RALGAPB: variants seen among roughly 807,000 people sequenced by gnomAD.
RALGAPB encodes the protein ral GTPase-activating protein subunit beta.
RALGAPB carries 25 observed loss-of-function variants against 161.1 expected under a neutral mutation model. The ratio of observed to expected loss-of-function variants is 0.16; its 90% CI spans 0.11 to 0.22. The LOEUF (loss-of-function observed/expected upper bound fraction) is 0.22, where lower values mean the gene tolerates loss of function less well. RALGAPB is among the 10% of genes least tolerant of loss of function. RALGAPB has a pLI of 1.00. For missense variants in RALGAPB, 1,391 were observed against 1,815.2 expected, an observed-to-expected ratio of 0.77 and a Z score of 4.25; for synonymous variants, 629 against 626.1, an observed-to-expected ratio of 1.00 and a Z score of -0.07.
chr20:38,497,420 C>T lies in RALGAPB; in HGVS notation c.457C>T (p.Arg153Cys), dbSNP rs756555782. The change falls in exon 4 of 30, where the codon CGT becomes TGT. Residue 153 changes from arginine to cysteine, a missense_variant. Arg to Cys is a radical substitution (Grantham distance 180). Coordinates refer to ENST00000262879, the MANE Select transcript of RALGAPB (RefSeq NM_020336.4). The part of the protein sequence containing the change: ...QVLRAIQKLA[R>C]ESSLMARETW... The stretch of plus-strand genomic sequence containing the variant: ...CCTGAGAGCCATTCAGAAACTGGCC[C>T]GTGAGTCATCTCTCATGGCCCGAGA... 40 of 1,613,796 alleles carry T rather than the reference C, an allele frequency of 2.5e-5. No individual in the cohort carries two copies. Among genetic ancestry groups the T allele is most frequent in the Non-Finnish European group, 3.1e-5 (37 of 1,179,860 alleles).
At chr20:38,548,051 A>G (rs2087232934) in intron 19 of RALGAPB, 1 of 152,240 alleles carries the variant, frequency 6.6e-6, no homozygotes, top group Admixed American at 6.5e-5. Context: ...TTGTAATAAT[A>G]AGAAATTATA....
intron 21 of RALGAPB, among the ~76,000 whole-genome samples, chr20:38,553,250 G>A (rs780928000): frequency 2.0e-5 from 3 of 152,132 alleles, no homozygotes; most frequent in Non-Finnish European, 4.4e-5. Context: ...TAGAAGGATC[G>A]TTACTCACCC....
At chr20:38,549,551 T>A (rs770212824) in intron 20 of RALGAPB, among the ~76,000 whole-genome samples, 3,206 of 128,210 alleles carry the variant, frequency 0.025, 51 homozygotes, top group Non-Finnish European at 0.035. Flanking sequence ...AAAAAAAAAA[T>A]ATATATATAT....
chr20:38,534,360 G>A (rs1198178796), intron 15 of RALGAPB: 1 of 152,388 alleles, frequency 6.6e-6, no homozygotes, highest in East Asian at 1.9e-4. Context: ...TCCTTTTTCT[G>A]TTGTCACTGC....
In RALGAPB at chr20:38,574,846, C is replaced by G. The variant is rs557814523; in HGVS notation, c.4364C>G (p.Pro1455Arg). The part of the protein sequence containing the change: ...KRLESDSYSP[P>R]HVRRKQKITD... The stretch of plus-strand genomic sequence containing the variant: ...CTGGAAAGTGACTCCTACAGTCCCC[C>G]CCATGTCCGCCGGAAACAGAAAATC... The change falls in exon 30 of 30, where the codon CCC becomes CGC. Residue 1455 changes from proline (P) to arginine (R), a missense_variant. This residue lies in a region of RALGAPB where 436 missense variants were observed against 527.0 expected (regional missense o/e 0.83). Coordinates refer to ENST00000262879, the MANE Select transcript of RALGAPB (RefSeq NM_020336.4). 30 of 1,613,726 alleles carry G rather than the reference C, an allele frequency of 1.9e-5. No homozygotes were observed. Among genetic ancestry groups the G allele is most frequent in the Non-Finnish European group, 2.4e-5 (28 of 1,179,638 alleles).
chr20:38,475,108 G>A (rs6070315), intron 1 of RALGAPB, among the ~76,000 whole-genome samples: 19,416 of 152,072 alleles, frequency 0.13, 3,452 homozygotes, highest in African/African-American at 0.4. Context: ...TATCACAATC[G>A]GACGCAATCA....
intron 1 of RALGAPB, among the ~76,000 whole-genome samples, chr20:38,482,787 T>G (rs2085008294): frequency 6.6e-6 from 1 of 152,208 alleles, no homozygotes; most frequent in Non-Finnish European, 1.5e-5. Flanking sequence ...AATAGTTATT[T>G]ATTGATTGCT....
At chr20:38,476,478 C>T (rs1394357650) in intron 1 of RALGAPB, among the ~76,000 whole-genome samples, 1 of 152,178 alleles carries the variant, frequency 6.6e-6, no homozygotes, top group Admixed American at 6.5e-5. Context: ...TGGACGGTGT[C>T]CCCTTTCGCC....
At chr20:38,534,825 A>C (rs1018619025) in intron 15 of RALGAPB, among the ~76,000 whole-genome samples, 2 of 152,254 alleles carry the variant, frequency 1.3e-5, no homozygotes, top group South Asian at 2.1e-4. Context: ...GAAACTGCCA[A>C]ATCCCACGGT....
At chr20:38,527,958 C>A (rs993496053) in intron 13 of RALGAPB, among the ~76,000 whole-genome samples, 6 of 152,216 alleles carry the variant, frequency 3.9e-5, no homozygotes, top group African/African-American at 1.4e-4. Context: ...CATCTCATTT[C>A]TGTCCTAGCC....
In RALGAPB at chr20:38,520,595, A is replaced by C. The variant is rs1460673382; in HGVS notation, c.1418-902A>C. Among the ~76,000 whole-genome samples, 3 of 126,772 alleles carry C rather than the reference A, an allele frequency of 2.4e-5. No homozygotes were observed. In the East Asian group the frequency reaches 6.6e-4, roughly 28 times the overall value. The allele number at this position is 126,772 out of a possible 152,430, so 83.2% of individuals were successfully genotyped here. On this transcript the variant is annotated intron_variant, in intron 9 of 29. Coordinates refer to ENST00000262879, the MANE Select transcript of RALGAPB (RefSeq NM_020336.4). Reference sequence around the variant, plus strand: ...CAGATTTAGTGTTTGATTTGTATGCATTCTGCATGTAGTGTTTTTCAAATG... The same window carrying C: ...CAGATTTAGTGTTTGATTTGTATGCCTTCTGCATGTAGTGTTTTTCAAATG...
rs370459159 is a variant in RALGAPB, at chr20:38,535,124, G to A, written c.2296G>A (p.Val766Ile). ...GCTCCTGATTCGCAGCATTCATCTCGTCACCCAAAGACTCAACTCCCAGTG... is the reference window on the plus strand; with the variant it reads ...GCTCCTGATTCGCAGCATTCATCTCATCACCCAAAGACTCAACTCCCAGTG... ...AGLLIRSIHL[V>I]TQRLNSQWRQ... Residue 766 changes from valine (V) to isoleucine (I), a missense_variant, in exon 16 of 30, where the codon GTC becomes ATC. Val to Ile is a conservative substitution (Grantham distance 29). Around this residue, in one of 3 missense-constraint regions of RALGAPB, gnomAD observed 946 missense variants for 1,257.2 expected, o/e 0.75. Transcript: ENST00000262879. 15 of 1,613,810 alleles carry A rather than the reference G, an allele frequency of 9.3e-6. No individual in the cohort carries two copies. Among genetic ancestry groups the A allele is most frequent in the Admixed American group, 3.3e-5 (2 of 59,998 alleles).
chr20:38,529,408 C>T (rs2086578067), intron 13 of RALGAPB, among the ~76,000 whole-genome samples: 2 of 151,582 alleles, frequency 1.3e-5, no homozygotes, highest in South Asian at 2.1e-4. Context: ...GTCTCAGCTA[C>T]TTGGGAGGCT....
At chr20:38,498,609 A>G (rs573453142) in intron 4 of RALGAPB, among the ~76,000 whole-genome samples, 56 of 152,326 alleles carry the variant, frequency 3.7e-4, no homozygotes, top group African/African-American at 1.3e-3. Flanking sequence ...GAGGCAGACA[A>G]TTCATCCCCC....
intron 5 of RALGAPB, among the ~76,000 whole-genome samples, chr20:38,506,485 G>A (rs1471212845): frequency 6.6e-6 from 1 of 152,072 alleles, no homozygotes; most frequent in Non-Finnish European, 1.5e-5. Context: ...GTCAAGATGG[G>A]GTTCCTCCAT....
Position 38,553,880 on chromosome 20 carries a change from A to G in RALGAPB, c.3176A>G (p.His1059Arg), listed in dbSNP as rs2087480572. The G allele has an allele frequency of 6.2e-7, 1 of 1,611,058 alleles. No individual in the cohort carries two copies. The highest frequency in any genetic ancestry group is 1.3e-5 in the African/African-American group (1 of 74,760). ...GGTTTATTACAGTTAGAAGAGAGACACGAAAAATTAAGGAGTGGCATGGCC... is the reference window on the plus strand; with the variant it reads ...GGTTTATTACAGTTAGAAGAGAGACGCGAAAAATTAAGGAGTGGCATGGCC... Reference protein sequence around the residue: ...EIVTEELEERHEKLRSGMAQQ... With the variant: ...EIVTEELEERREKLRSGMAQQ... Residue 1059 changes from histidine to arginine, a missense_variant, in exon 22 of 30, where the codon CAC (histidine) becomes CGC (arginine). Around this residue, in one of 3 missense-constraint regions of RALGAPB, gnomAD observed 436 missense variants for 527.0 expected, o/e 0.83. Coordinates refer to ENST00000262879, the MANE Select transcript of RALGAPB (RefSeq NM_020336.4).
At position 38,576,943 on chromosome 20, in the gene RALGAPB, G is replaced by A. The variant is rs554056945; in HGVS notation, c.*1976G>A. ...TTAATTTCAGAAAAATGTGCTGTATGTGTGTGTGTATGAGGGTTGGTCTTG... is the reference window on the plus strand; with the variant it reads ...TTAATTTCAGAAAAATGTGCTGTATATGTGTGTGTATGAGGGTTGGTCTTG... On this transcript the variant is annotated 3_prime_UTR_variant, in exon 30 of 30. Coordinates refer to ENST00000262879, the MANE Select transcript of RALGAPB (RefSeq NM_020336.4). 9.2e-5 allele frequency: 14 copies of A among 152,768 alleles called. No individual in the cohort carries two copies. The highest frequency in any genetic ancestry group is 1.6e-4 in the Non-Finnish European group (11 of 68,036). The allele number at this position is 152,768 out of a possible 1,614,324, so 9.5% of individuals were successfully genotyped here.
chr20:38,486,806 C>T (rs1392155536), intron 1 of RALGAPB, among the ~76,000 whole-genome samples: 6 of 152,170 alleles, frequency 3.9e-5, no homozygotes, highest in Non-Finnish European at 7.3e-5. Flanking sequence ...ATTTTGGACA[C>T]ACTTTAGTGG....
chr20:38,570,967 A>G, intron 28 of RALGAPB, 120 bp downstream of exon 28: 1 of 667,714 alleles, frequency 1.5e-6, no homozygotes, highest in Admixed American at 3.2e-5. Context: ...AAAACAAAAA[A>G]GATCAAAGAA....
Sources: allele counts gnomAD v4.1 joint callset (sites outside exome capture counted in the v4.1 genomes callset), GRCh38; gene constraint gnomAD v4.1.1; regional missense constraint gnomAD v4.1.1; transcripts MANE v1.5; gene names NCBI Gene and HGNC (gene_info 2026-07-23, HGNC 2026-07-21).